Variants in ATP2B2 observed in about 807,000 individuals in gnomAD.
ATP2B2 encodes the protein ATPase plasma membrane Ca2+ transporting 2, also known as plasma membrane calcium-transporting ATPase 2.
Under a neutral mutation model 120.0 loss-of-function variants are expected in ATP2B2, and 15 were observed. The ratio of observed to expected loss-of-function variants is 0.12; its 90% CI spans 0.08 to 0.19. The LOEUF is 0.19. Among genes scored for constraint, ATP2B2 ranks in the 10% least tolerant of loss-of-function variants. The pLI is 1.00. For synonymous variants in ATP2B2, 694 were observed against 700.3 expected (o/e 0.99, Z 0.14); for missense variants, 1,045 against 1,719.8 (o/e 0.61, Z 6.94).
intron 2 of ATP2B2, among the ~76,000 whole-genome samples, chr3:10,441,729 T>G (rs1424874929): frequency 6.6e-6 from 1 of 152,214 alleles, no homozygotes; most frequent in Non-Finnish European, 1.5e-5. Flanking sequence ...ACATACTAGG[T>G]GCATAACATA....
At chr3:10,369,933 A>G (rs1044414125) in intron 12 of ATP2B2, among the ~76,000 whole-genome samples, 3 of 152,164 alleles carry the variant, frequency 2.0e-5, no homozygotes, top group African/African-American at 7.2e-5. Flanking sequence ...ACCCAGAAAG[A>G]CAGGCGCAGG....
intron 1 of ATP2B2, among the ~76,000 whole-genome samples, chr3:10,666,838 G>A (rs772699002): frequency 2.6e-5 from 4 of 152,294 alleles, no homozygotes; most frequent in South Asian, 4.2e-4. Flanking sequence ...GGGTAGTGAC[G>A]GCTGGCCAGG....
chr3:10,449,469 C>T lies in ATP2B2; in HGVS notation c.75G>A (p.Gly25=). The change falls in exon 2 of 23, where the codon GGG becomes GGA. Residue 25 remains glycine (G), a synonymous_variant. Transcript: ENST00000360273. ...RNESSHGGEF[G]CTMEELRSLM... is the part of the protein sequence containing the mutation. The stretch of plus-strand genomic sequence containing the variant: ...GGGAGCGGAGCTCCTCCATTGTGCA[C>T]CCGAACTCGCCCCCATGGCTCGACT... The T allele has an allele frequency of 6.2e-7, 1 of 1,614,248 alleles. No homozygotes were observed. Among genetic ancestry groups the T allele is most frequent in the South Asian group, 1.1e-5 (1 of 91,082 alleles).
chr3:10,621,754 C>T (rs778488197), intron 1 of ATP2B2, among the ~76,000 whole-genome samples: 1 of 152,254 alleles, frequency 6.6e-6, no homozygotes, highest in African/African-American at 2.4e-5. Context: ...ATTCCAACTC[C>T]ATGAGGCGGG....
At chr3:10,650,884 C>G (rs1022759350) in intron 1 of ATP2B2, among the ~76,000 whole-genome samples, 2 of 152,232 alleles carry the variant, frequency 1.3e-5, no homozygotes, top group African/African-American at 2.4e-5. Context: ...GGGAGCCCAC[C>G]TCTTGCATCC....
chr3:10,435,409 G>A (rs1423400519), intron 2 of ATP2B2, among the ~76,000 whole-genome samples: 1 of 152,122 alleles, frequency 6.6e-6, no homozygotes, highest in Non-Finnish European at 1.5e-5. Context: ...GGGTCCACAG[G>A]CCTCGCAGTC....
chr3:10,413,910 G>A (rs1343521694), intron 2 of ATP2B2, among the ~76,000 whole-genome samples: 1 of 152,228 alleles, frequency 6.6e-6, no homozygotes, highest in Non-Finnish European at 1.5e-5. Flanking sequence ...GTGGGCCTCT[G>A]AGGGAGGGGC....
At chr3:10,637,702 A>G (rs2070061854) in intron 1 of ATP2B2, among the ~76,000 whole-genome samples, 1 of 152,160 alleles carries the variant, frequency 6.6e-6, no homozygotes, top group Non-Finnish European at 1.5e-5. Context: ...AGGAGAAGAG[A>G]AAGGAGAGGC....
At chr3:10,590,501 G>T (rs1301038375) in intron 2 of ATP2B2, among the ~76,000 whole-genome samples, 1 of 152,218 alleles carries the variant, frequency 6.6e-6, no homozygotes, top group Non-Finnish European at 1.5e-5. Context: ...CACCTCCTGG[G>T]CCATTTCTTC....
At chr3:10,654,642 CTG>C (rs1368243357) in intron 1 of ATP2B2, among the ~76,000 whole-genome samples, 1 of 152,068 alleles carries the variant, frequency 6.6e-6, no homozygotes, top group Non-Finnish European at 1.5e-5. Context: ...TAGATTTATC[CTG>C]TGCAATCTAG....
chr3:10,538,593 A>G (rs2067367876), intron 2 of ATP2B2, among the ~76,000 whole-genome samples: 2 of 152,202 alleles, frequency 1.3e-5, no homozygotes, highest in African/African-American at 2.4e-5. Flanking sequence ...AATAAATGTA[A>G]TCCAGCATAT....
chr3:10,692,719 C>T (rs2071686520), intron 1 of ATP2B2, among the ~76,000 whole-genome samples: 1 of 152,208 alleles, frequency 6.6e-6, no homozygotes, highest in Non-Finnish European at 1.5e-5. Context: ...GTCCTCCCAA[C>T]TAGCCTGCAA....
chr3:10,439,096 C>T (rs1290513981), intron 2 of ATP2B2, among the ~76,000 whole-genome samples: 1 of 152,206 alleles, frequency 6.6e-6, no homozygotes, highest in African/African-American at 2.4e-5. Context: ...ACTGCCCTGG[C>T]CTGGGCACTG....
intron 2 of ATP2B2, among the ~76,000 whole-genome samples, chr3:10,437,284 A>C (rs1445331901): frequency 1.3e-5 from 2 of 152,200 alleles, no homozygotes; most frequent in Admixed American, 6.5e-5. Context: ...AATAATAATA[A>C]TGATGATGGT....
intron 1 of ATP2B2, among the ~76,000 whole-genome samples, chr3:10,465,996 T>C (rs1033092132): frequency 8.5e-5 from 13 of 152,218 alleles, no homozygotes; most frequent in African/African-American, 3.1e-4. Flanking sequence ...GAAGAGGCCC[T>C]GACTCCCCAA....
rs987680392 is a variant in ATP2B2, at chr3:10,622,990, T to C, written c.-459-3029A>G. On this transcript the variant is annotated intron_variant, in intron 1 of 21. Coordinates refer to the ATP2B2 transcript ENST00000646379. ...TAGAAACAACCCCTGCAGAGGGCTG[T>C]GGTGAAGGTAAAAGGAAAGGATGTA... is the stretch of plus-strand genomic sequence containing the variant. 2.7e-5 allele frequency among the ~76,000 whole-genome samples: 4 copies of C among 149,696 alleles called. No homozygotes were observed. The South Asian group carries it at 8.4e-4, about 32-fold the overall frequency.
chr3:10,681,442 C>A (rs1034884773), intron 1 of ATP2B2, among the ~76,000 whole-genome samples: 1 of 152,202 alleles, frequency 6.6e-6, no homozygotes, highest in Non-Finnish European at 1.5e-5. Flanking sequence ...GGAAGGCAGA[C>A]AAATGTCTCC....
intron 2 of ATP2B2, among the ~76,000 whole-genome samples, chr3:10,561,392 G>C (rs1485100056): frequency 1.3e-5 from 2 of 152,200 alleles, no homozygotes; most frequent in African/African-American, 4.8e-5. Context: ...TAACCCCCCA[G>C]CGGTCCCCTG....
At chr3:10,686,038 C>A (rs2071511350) in intron 1 of ATP2B2, among the ~76,000 whole-genome samples, 2 of 135,956 alleles carry the variant, frequency 1.5e-5, no homozygotes, top group South Asian at 4.6e-4. Flanking sequence ...TTTCTTTCCT[C>A]CTTTCTTTTT....
Sources: gnomAD v4.1 joint callset for allele counts (sites outside exome capture counted in the v4.1 genomes callset) on GRCh38, gnomAD v4.1.1 for gene constraint, MANE v1.5 for transcripts, NCBI Gene and HGNC (gene_info 2026-07-23, HGNC 2026-07-21) for gene names.